The following ITGBL1 variants were observed in gnomAD, a reference collection of about 807,000 sequenced individuals.
The protein encoded by ITGBL1 is integrin subunit beta like 1, also known as integrin beta-like protein 1.
Under a neutral mutation model 68.5 loss-of-function variants are expected in ITGBL1, and 51 were observed. The ratio of observed to expected loss-of-function variants is 0.74; its 90% CI spans 0.59 to 0.94. The LOEUF (loss-of-function observed/expected upper bound fraction) is 0.94. Among genes scored for constraint, ITGBL1 ranks in the 40% least tolerant of loss-of-function variants. The pLI, the probability that ITGBL1 is intolerant of heterozygous loss-of-function variation, is 0.00. For missense variants in ITGBL1, 649 were observed against 647.4 expected (o/e 1.00, Z -0.03); for synonymous variants, 209 against 227.3 (o/e 0.92, Z 0.72).
At chr13:101,699,616 A>G (rs1385750306) in intron 8 of ITGBL1, among the ~76,000 whole-genome samples, 1 of 152,208 alleles carries the variant, frequency 6.6e-6, no homozygotes, top group Non-Finnish European at 1.5e-5. Context: ...CCCTTCCACC[A>G]TAATTGTAAG....
intron 7 of ITGBL1, among the ~76,000 whole-genome samples, chr13:101,670,967 G>C (rs1295962417): frequency 6.6e-6 from 1 of 152,198 alleles, no homozygotes; most frequent in East Asian, 1.9e-4. Context: ...TGTTACATGC[G>C]ATAGAAATAA....
intron 4 of ITGBL1, among the ~76,000 whole-genome samples, chr13:101,578,856 A>G (rs755627003): frequency 3.2e-4 from 49 of 152,350 alleles, no homozygotes; most frequent in Admixed American, 1.1e-3. Context: ...TTGGTCATTC[A>G]TAATGTCTAT....
chr13:101,534,645 A>T (rs1045516153), intron 2 of ITGBL1, among the ~76,000 whole-genome samples: 1 of 152,130 alleles, frequency 6.6e-6, no homozygotes, highest in Non-Finnish European at 1.5e-5. Context: ...GAAGCAGAAA[A>T]AAAGGCAGCC....
intron 7 of ITGBL1, among the ~76,000 whole-genome samples, chr13:101,665,695 G>C (rs187791296): frequency 6.6e-6 from 1 of 152,224 alleles, no homozygotes; most frequent in East Asian, 1.9e-4. Context: ...CCCAATCTTG[G>C]AGAAAATGCT....
At chr13:101,588,978 G>A (rs2050606458) in intron 6 of ITGBL1, among the ~76,000 whole-genome samples, 1 of 152,170 alleles carries the variant, frequency 6.6e-6, no homozygotes, top group Non-Finnish European at 1.5e-5. Flanking sequence ...ATATTTCTAA[G>A]TGATTTTTAA....
chr13:101,544,526 G>A (rs1475908811), intron 2 of ITGBL1, among the ~76,000 whole-genome samples: 1 of 152,188 alleles, frequency 6.6e-6, no homozygotes, highest in African/African-American at 2.4e-5. Context: ...GAGGCAGTCT[G>A]TCTGTTCTCA....
chr13:101,605,421 CATATATAG>C (rs1229719609), intron 7 of ITGBL1, among the ~76,000 whole-genome samples: 3 of 97,668 alleles, frequency 3.1e-5, no homozygotes. Context: ...TATATATACA[CATATATAG>C]ACATGTATAT....
intron 6 of ITGBL1, among the ~76,000 whole-genome samples, chr13:101,590,277 G>C (rs1212228119): frequency 6.6e-6 from 1 of 152,148 alleles, no homozygotes; most frequent in Non-Finnish European, 1.5e-5. Flanking sequence ...ATGGATTTCA[G>C]ATAGGAAAAA....
intron 2 of ITGBL1, among the ~76,000 whole-genome samples, chr13:101,535,439 C>T (rs1425514684): frequency 2.0e-5 from 3 of 152,050 alleles, no homozygotes; most frequent in Admixed American, 6.6e-5. Context: ...CAGAGACATC[C>T]TGGTCAAATT....
intron 6 of ITGBL1, among the ~76,000 whole-genome samples, chr13:101,596,137 A>G (rs972841861): frequency 1.3e-5 from 2 of 152,146 alleles, no homozygotes; most frequent in African/African-American, 4.8e-5. Context: ...CATTTGCCAC[A>G]ACATGGATGA....
At chr13:101,672,847 C>A (rs1359972215) in intron 7 of ITGBL1, among the ~76,000 whole-genome samples, 2 of 152,148 alleles carry the variant, frequency 1.3e-5, no homozygotes, top group African/African-American at 4.8e-5. Context: ...ACAAAATGAC[C>A]AACCCCAGGT....
intron 2 of ITGBL1, among the ~76,000 whole-genome samples, chr13:101,520,928 G>A (rs1385980120): frequency 6.6e-6 from 1 of 152,180 alleles, no homozygotes; most frequent in African/African-American, 2.4e-5. Flanking sequence ...GGATGATACA[G>A]TATTAACCCA....
intron 2 of ITGBL1, among the ~76,000 whole-genome samples, chr13:101,556,333 TC>T (rs1330990897): frequency 6.6e-6 from 1 of 152,152 alleles, no homozygotes; most frequent in African/African-American, 2.4e-5. Context: ...ATGGCTGGTA[TC>T]CTTATAAGAA....
At chr13:101,555,402 T>G (rs1594887741) in intron 2 of ITGBL1, among the ~76,000 whole-genome samples, 1 of 152,326 alleles carries the variant, frequency 6.6e-6, no homozygotes, top group East Asian at 1.9e-4. Flanking sequence ...TATTTTTTTT[T>G]GTACTCCCTC....
chr13:101,481,085 C>CAT (rs1555353316), intron 2 of ITGBL1, among the ~76,000 whole-genome samples: 4 of 149,086 alleles, frequency 2.7e-5, no homozygotes, highest in South Asian at 4.2e-4. Context: ...TATATACACA[C>CAT]ATATATATAC....
chr13:101,549,816 G>A (rs540005415), intron 2 of ITGBL1, among the ~76,000 whole-genome samples: 7 of 151,562 alleles, frequency 4.6e-5, no homozygotes, highest in Admixed American at 1.3e-4. Context: ...ACACATTGTC[G>A]GTGAAAATAA....
At chr13:101,459,039 C>T (rs980733752) in intron 2 of ITGBL1, among the ~76,000 whole-genome samples, 4 of 151,934 alleles carry the variant, frequency 2.6e-5, no homozygotes, top group South Asian at 2.1e-4. Flanking sequence ...TTTAAGTCTG[C>T]GAGATCAGAA....
rs767607285 is a variant in ITGBL1, at chr13:101,452,808, C to T, written c.-26C>T. ...AACCCCACCTTGCAGAAGTGCAGCTCGCCCGGAGCAGCCCAGGAGCTCAGC... is the reference window on the plus strand; with the variant it reads ...AACCCCACCTTGCAGAAGTGCAGCTTGCCCGGAGCAGCCCAGGAGCTCAGC... On this transcript the variant is annotated 5_prime_UTR_variant, in exon 1 of 11. Coordinates refer to ENST00000376180, the MANE Select transcript of ITGBL1 (RefSeq NM_004791.3). 17 of 1,600,642 alleles carry T rather than the reference C, an allele frequency of 1.1e-5. No homozygotes were observed. Among genetic ancestry groups the T allele is most frequent in the African/African-American group, 9.4e-5 (7 of 74,714 alleles).
chr13:101,481,185 TGAGAGA>T (rs5806223), intron 2 of ITGBL1, among the ~76,000 whole-genome samples: 11 of 147,676 alleles, frequency 7.4e-5, no homozygotes, highest in Admixed American at 2.0e-4. Context: ...TATATACATA[TGAGAGA>T]GAGAGAGAGA....
Sources: allele counts gnomAD v4.1 joint callset (sites outside exome capture counted in the v4.1 genomes callset), GRCh38; gene constraint gnomAD v4.1.1; transcripts MANE v1.5; gene names NCBI Gene and HGNC (gene_info 2026-07-23, HGNC 2026-07-21).